Variants in FAT4 observed in about 807,000 individuals in gnomAD.
FAT4 encodes FAT atypical cadherin 4, also known as protocadherin Fat 4.
In FAT4, 84 loss-of-function variants were observed where a neutral mutation model predicts 303.9. The ratio of observed to expected loss-of-function variants is 0.28; its 90% confidence interval spans 0.23 to 0.33. FAT4 has a LOEUF of 0.33. FAT4 is among the 10% of genes least tolerant of loss of function. FAT4 has a pLI of 1.00. For synonymous variants in FAT4, 2,307 were observed against 2,298.8 expected (o/e 1.00, Z -0.10); for missense variants, 6,005 against 6,146.8 (o/e 0.98, Z 0.77).
At chr4:125,429,008 T>G (rs957639908) in intron 7 of FAT4, among the ~76,000 whole-genome samples, 1 of 152,202 alleles carries the variant, frequency 6.6e-6, no homozygotes, top group Non-Finnish European at 1.5e-5. Flanking sequence ...CACCACTACC[T>G]ATATAATTCA....
intron 7 of FAT4, among the ~76,000 whole-genome samples, chr4:125,425,986 TG>T (rs1248011101): frequency 2.6e-5 from 4 of 152,080 alleles, no homozygotes; most frequent in African/African-American, 9.6e-5. Context: ...TGCTTTTTAA[TG>T]GAGGGAAACA....
At chr4:125,356,163 G>T (rs1295787464) in intron 2 of FAT4, among the ~76,000 whole-genome samples, 1 of 151,994 alleles carries the variant, frequency 6.6e-6, no homozygotes. Context: ...TATCTTTGTA[G>T]TCTAACAATA....
rs570425748 is a variant in FAT4, at chr4:125,329,318, A to T, written c.5175+7732A>T. Among the ~76,000 whole-genome samples the T allele has an allele frequency of 3.3e-5, 5 of 152,356 alleles. No homozygotes were observed. In the South Asian group the frequency reaches 1.0e-3, roughly 32 times the overall value. Reference sequence around the variant, plus strand: ...GCCACTATGATGGACACATTGCTAGATCCAATGGCCTTTCTCAATGCTCAT... The same window carrying T: ...GCCACTATGATGGACACATTGCTAGTTCCAATGGCCTTTCTCAATGCTCAT... On this transcript the variant is annotated intron_variant, in intron 2 of 17. Coordinates refer to ENST00000394329, the MANE Select transcript of FAT4 (RefSeq NM_001291303.3).
intron 8 of FAT4, among the ~76,000 whole-genome samples, chr4:125,435,770 G>T (rs1725429680): frequency 1.3e-5 from 2 of 152,012 alleles, no homozygotes; most frequent in Admixed American, 1.3e-4. Flanking sequence ...TACAGAATTG[G>T]GGTTTTCCAA....
chr4:125,382,834 A>C (rs1029018417), intron 2 of FAT4, among the ~76,000 whole-genome samples: 8 of 152,162 alleles, frequency 5.3e-5, no homozygotes, highest in African/African-American at 1.9e-4. Flanking sequence ...GATCTTCTGG[A>C]TATCTTCTTG....
At chr4:125,334,491 A>T (rs1193830229) in intron 2 of FAT4, among the ~76,000 whole-genome samples, 1 of 152,184 alleles carries the variant, frequency 6.6e-6, no homozygotes, top group Non-Finnish European at 1.5e-5. Context: ...ATCAGGTGCT[A>T]ATGGCATTTA....
In FAT4 at chr4:125,450,850, G is replaced by C. The variant is rs377500947; in HGVS notation, c.9840G>C (p.Arg3280Ser). ...CCTTCAATGTCCCCGATGAGGAAAG[G>C]TGTAGCTTTGCCACTGTTAATATAC... is the stretch of plus-strand genomic sequence containing the variant. ...VKAFNVPDEE[R>S]CSFATVNIQL... The change falls in exon 10 of 18, where the codon AGG becomes AGC. Residue 3280 changes from arginine to serine, a missense_variant. Transcript: ENST00000394329. 3 of 1,614,002 alleles carry C rather than the reference G, an allele frequency of 1.9e-6. No homozygotes were observed. The highest frequency in any genetic ancestry group is 2.5e-6 in the Non-Finnish European group (3 of 1,180,028).
At chr4:125,362,388 T>C (rs1732709583) in intron 2 of FAT4, among the ~76,000 whole-genome samples, 1 of 152,128 alleles carries the variant, frequency 6.6e-6, no homozygotes, top group South Asian at 2.1e-4. Context: ...CATTGAAAGA[T>C]ATTAGTTGAA....
chr4:125,415,192 C>T lies in FAT4; in HGVS notation c.6229C>T (p.Pro2077Ser), dbSNP rs1198005907. The change falls in exon 6 of 18, where the codon CCA becomes TCA. Residue 2077 changes from proline to serine, a missense_variant. Coordinates refer to ENST00000394329, the MANE Select transcript of FAT4 (RefSeq NM_001291303.3). ...TGTTTTCAAAGCTCAAGCAACTGAC[C>T]CAGATAGTGGCCCAAACAGCTATAT... Reference protein sequence around the residue: ...TVVFKAQATDPDSGPNSYIEY... With the variant: ...TVVFKAQATDSDSGPNSYIEY... The T allele has an allele frequency of 1.2e-6, 2 of 1,614,038 alleles. No individual in the cohort carries two copies. The highest frequency in any genetic ancestry group is 1.7e-6 in the Non-Finnish European group (2 of 1,179,980).
intron 2 of FAT4, among the ~76,000 whole-genome samples, chr4:125,374,254 A>G (rs1360384168): frequency 1.3e-5 from 2 of 152,172 alleles, no homozygotes; most frequent in Non-Finnish European, 2.9e-5. Context: ...AAGGAAACTG[A>G]GTGTAAGGAA....
At chr4:125,426,015 T>A (rs1725075802) in intron 7 of FAT4, among the ~76,000 whole-genome samples, 1 of 152,074 alleles carries the variant, frequency 6.6e-6, no homozygotes, top group African/African-American at 2.4e-5. Context: ...TTTGCAAAGT[T>A]AATGCTAAAA....
chr4:125,372,024 A>C (rs1331342409), intron 2 of FAT4, among the ~76,000 whole-genome samples: 6 of 152,044 alleles, frequency 3.9e-5, no homozygotes, highest in African/African-American at 2.4e-5. Context: ...GAAGAACGAA[A>C]TGGATGACAG....
At chr4:125,348,007 GA>G in intron 2 of FAT4, among the ~76,000 whole-genome samples, 1 of 151,798 alleles carries the variant, frequency 6.6e-6, no homozygotes, top group South Asian at 2.1e-4. Context: ...AAATGAACTA[GA>G]AAAAATCATA....
At position 125,321,474 on chromosome 4, in the gene FAT4, G is replaced by T; in HGVS notation, c.5063G>T (p.Gly1688Val). Reference protein sequence around the residue: ...GRLFTIGRHTGIIQTAAILDR... With the variant: ...GRLFTIGRHTVIIQTAAILDR... The stretch of plus-strand genomic sequence containing the variant: ...CTCTTTACTATTGGACGACATACTG[G>T]TATAATTCAGACCGCAGCCATTCTG... Residue 1688 changes from glycine to valine, a missense_variant, in exon 2 of 18, where the codon GGT becomes GTT. By Grantham distance (109) the Gly-to-Val change is moderately radical. Transcript: ENST00000394329. 1 of 1,614,104 alleles carries T rather than the reference G, an allele frequency of 6.2e-7. No homozygotes were observed. The highest frequency in any genetic ancestry group is 8.5e-7 in the Non-Finnish European group (1 of 1,179,996).
chr4:125,427,468 G>A (rs1725122029), intron 7 of FAT4, among the ~76,000 whole-genome samples: 1 of 151,942 alleles, frequency 6.6e-6, no homozygotes, highest in African/African-American at 2.4e-5. Context: ...AAGCATATAT[G>A]TAGAACTAAT....
intron 8 of FAT4, among the ~76,000 whole-genome samples, chr4:125,439,711 A>G (rs897656214): frequency 2.6e-5 from 4 of 152,058 alleles, no homozygotes; most frequent in Non-Finnish European, 5.9e-5. Flanking sequence ...TTCAAAAGTT[A>G]CTCATTTTTC....
intron 16 of FAT4, among the ~76,000 whole-genome samples, chr4:125,486,579 C>T (rs1417438991): frequency 6.6e-6 from 1 of 152,168 alleles, no homozygotes; most frequent in Non-Finnish European, 1.5e-5. Flanking sequence ...TTCATCTTGC[C>T]TCATAAATTA....
At position 125,320,199 on chromosome 4, in the gene FAT4, C is replaced by T; in HGVS notation, c.3788C>T (p.Thr1263Ile). Reference protein sequence around the residue: ...NEERQFAIDSTSGQVTLIGKL... With the variant: ...NEERQFAIDSISGQVTLIGKL... ...GAAAGACAGTTTGCTATAGACAGTA[C>T]CTCTGGTCAGGTAACACTAATTGGC... is the stretch of plus-strand genomic sequence containing the variant. The change falls in exon 2 of 18, where the codon ACC (threonine) becomes ATC (isoleucine). Residue 1263 changes from threonine to isoleucine, a missense_variant. Thr to Ile is a moderately conservative substitution (Grantham distance 89, BLOSUM62 -1). Coordinates refer to ENST00000394329, the MANE Select transcript of FAT4 (RefSeq NM_001291303.3). The T allele has an allele frequency of 3.1e-6, 5 of 1,613,540 alleles. No homozygotes were observed. The highest frequency in any genetic ancestry group is 4.2e-6 in the Non-Finnish European group (5 of 1,179,506).
At chr4:125,361,733 A>G (rs943993036) in intron 2 of FAT4, among the ~76,000 whole-genome samples, 4 of 152,160 alleles carry the variant, frequency 2.6e-5, no homozygotes, top group African/African-American at 9.6e-5. Context: ...GGAAGGCAAG[A>G]TAGTCCTTAT....
Sources: allele counts gnomAD v4.1 joint callset (sites outside exome capture counted in the v4.1 genomes callset), GRCh38; gene constraint gnomAD v4.1.1; transcripts MANE v1.5; gene names NCBI Gene and HGNC (gene_info 2026-07-23, HGNC 2026-07-21).